Variants in STARD9 observed in about 807,000 individuals in gnomAD.
The protein encoded by STARD9 is stAR-related lipid transfer protein 9.
In STARD9, 346 loss-of-function variants were observed where a neutral mutation model predicts 399.8. The ratio of observed to expected loss-of-function variants is 0.87; its 90% CI spans 0.79 to 0.95. STARD9 has a LOEUF of 0.95. Among genes scored for constraint, STARD9 ranks in the 40% least tolerant of loss-of-function variants. STARD9 has a pLI of 0.00. For synonymous variants in STARD9, 2,203 were observed against 2,143.5 expected (o/e 1.03, Z -0.77); for missense variants, 5,832 against 5,667.5 (o/e 1.03, Z -0.93).
Position 42,650,850 on chromosome 15 carries a change from A to G in STARD9, c.560-166A>G, listed in dbSNP as rs115134206. On this transcript the variant is annotated intron_variant, in intron 7 of 32. Transcript: ENST00000290607. Reference sequence around the variant, plus strand: ...TCATATACCTGACAAGAGGTTTCCAATAAATATTTCTTGATTTAATTTATT... The same window carrying G: ...TCATATACCTGACAAGAGGTTTCCAGTAAATATTTCTTGATTTAATTTATT... Among the ~76,000 whole-genome samples, 971 of 152,320 alleles carry G rather than the reference A, an allele frequency of 6.4e-3. 13 individuals carry two copies. Among genetic ancestry groups the G allele is most frequent in the African/African-American group, 0.022 (917 of 41,578 alleles).
At chr15:42,669,060 G>A in intron 15 of STARD9, 98 bp from the exon 16 acceptor site, 1 of 1,065,638 alleles carries the variant, frequency 9.4e-7, no homozygotes, top group East Asian at 2.6e-5. Flanking sequence ...TCATAAGAAA[G>A]CAGTACCCTG....
chr15:42,674,937 G>A lies in STARD9; in HGVS notation c.1660G>A (p.Val554Ile). The change falls in exon 18 of 33, where the codon GTC (valine) becomes ATC (isoleucine). Residue 554 changes from valine (V) to isoleucine (I), a missense_variant. By Grantham distance (29) the Val-to-Ile change is conservative. Coordinates refer to ENST00000290607, the MANE Select transcript of STARD9 (RefSeq NM_020759.3). ...CCGCTGTACAGTCAATGGCCGGGAG[G>A]TCACTGCCTCCTGCCGTCTGACTCA... ...GARCTVNGRE[V>I]TASCRLTQGA... 6.5e-7 allele frequency: 1 copy of A among 1,536,430 alleles called. No homozygotes were observed. Among genetic ancestry groups the A allele is most frequent in the Non-Finnish European group, 8.7e-7 (1 of 1,146,566 alleles).
At position 42,685,731 on chromosome 15, in the gene STARD9, C is replaced by A. The variant is rs966001672; in HGVS notation, c.4153C>A (p.Pro1385Thr). 4 of 1,537,250 alleles carry A rather than the reference C, an allele frequency of 2.6e-6. No homozygotes were observed. Among genetic ancestry groups the A allele is most frequent in the African/African-American group, 2.7e-5 (2 of 73,038 alleles). ...GYWPNTEELKPSDAETVLPYS... is the reference protein window; with the variant it reads ...GYWPNTEELKTSDAETVLPYS... ...CTGGCCAAATACTGAGGAACTAAAG[C>A]CATCAGATGCAGAAACGGTTCTGCC... is the stretch of plus-strand genomic sequence containing the variant. The change falls in exon 23 of 33, where the codon CCA becomes ACA. Residue 1385 changes from proline (P) to threonine (T), a missense_variant. By Grantham distance (38) the Pro-to-Thr change is conservative. Around this residue, in one of 2 missense-constraint regions of STARD9, gnomAD observed 5,828 missense variants for 5,651.1 expected, o/e 1.03. Coordinates refer to ENST00000290607, the MANE Select transcript of STARD9 (RefSeq NM_020759.3).
rs1014734034 is a variant in STARD9, at chr15:42,639,569, A to G, written c.559+757A>G. Among the ~76,000 whole-genome samples, 9 of 152,302 alleles carry G rather than the reference A, an allele frequency of 5.9e-5. No homozygotes were observed. In the East Asian group the frequency reaches 1.7e-3, roughly 29 times the overall value. ...TTACCCTTCCAGGCCACTTATAAGA[A>G]GTAATATATGGCCCAGGTGCAGTGG... On this transcript the variant is annotated intron_variant, in intron 7 of 32. Coordinates refer to ENST00000290607, the MANE Select transcript of STARD9 (RefSeq NM_020759.3).
intron 17 of STARD9, 52 bp from the exon 18 acceptor site, chr15:42,674,775 G>A: frequency 6.8e-7 from 1 of 1,477,444 alleles, no homozygotes. Context: ...AAATGGAGAG[G>A]GTGTTTCCCT....
chr15:42,718,622 G>A, intron 31 of STARD9, 108 bp downstream of exon 31: 1 of 1,430,526 alleles, frequency 7.0e-7, no homozygotes, highest in East Asian at 2.5e-5. Flanking sequence ...GGCAAATTGG[G>A]GCTGGAGCCA....
chr15:42,660,109 G>A (rs920427081), intron 9 of STARD9, among the ~76,000 whole-genome samples: 17 of 152,144 alleles, frequency 1.1e-4, no homozygotes, highest in Admixed American at 6.5e-4. Context: ...CTAGATGTAC[G>A]ATTCTATTTA....
intron 26 of STARD9, among the ~76,000 whole-genome samples, chr15:42,714,607 TC>T (rs1419328599): frequency 6.6e-6 from 1 of 152,214 alleles, no homozygotes; most frequent in African/African-American, 2.4e-5. Flanking sequence ...CTTCCTTGAT[TC>T]AATTGTTGAG....
chr15:42,690,034 G>T lies in STARD9; in HGVS notation c.8456G>T (p.Cys2819Phe), dbSNP rs1297685226. 6.5e-7 allele frequency: 1 copy of T among 1,537,386 alleles called. No homozygotes were observed. Among genetic ancestry groups the T allele is most frequent in the African/African-American group, 1.4e-5 (1 of 73,042 alleles). The change falls in exon 23 of 33, where the codon TGT (cysteine) becomes TTT (phenylalanine). Residue 2819 changes from cysteine (C) to phenylalanine (F), a missense_variant. By Grantham distance (205) the Cys-to-Phe change is radical. Around this residue, in one of 2 missense-constraint regions of STARD9, gnomAD observed 5,828 missense variants for 5,651.1 expected, o/e 1.03. Transcript: ENST00000290607. Reference protein sequence around the residue: ...TAHFESQSVTCDVQNSTSASG... With the variant: ...TAHFESQSVTFDVQNSTSASG... ...CATTTTGAAAGTCAGTCTGTGACCT[G>T]TGATGTTCAGAATTCTACAAGTGCC...
At chr15:42,651,145 A>C in intron 8 of STARD9, 60 bp downstream of exon 8, 1 of 1,273,054 alleles carries the variant, frequency 7.9e-7, no homozygotes, top group African/African-American at 1.5e-5. Context: ...CTGTGTTCCC[A>C]TTTCCCTTTG....
intron 4 of STARD9, among the ~76,000 whole-genome samples, chr15:42,637,512 G>A (rs2059441902): frequency 6.6e-6 from 1 of 152,174 alleles, no homozygotes; most frequent in African/African-American, 2.4e-5. Flanking sequence ...ACCACACCTG[G>A]TCTAAATGTG....
intron 3 of STARD9, among the ~76,000 whole-genome samples, chr15:42,624,236 G>A (rs1007223960): frequency 6.6e-6 from 1 of 152,068 alleles, no homozygotes; most frequent in Admixed American, 6.5e-5. Context: ...GCTTTCCCAT[G>A]CTATATACAT....
At chr15:42,591,487 T>TAAAA (rs58884115) in intron 3 of STARD9, among the ~76,000 whole-genome samples, 4,360 of 135,976 alleles carry the variant, frequency 0.032, 232 homozygotes, top group African/African-American at 0.11. Context: ...GAGTCCATCT[T>TAAAA]AAAAAAAAAA....
In STARD9 at chr15:42,686,223, G is replaced by A. The variant is rs2140239049; in HGVS notation, c.4645G>A (p.Val1549Ile). Residue 1549 changes from valine (V) to isoleucine (I), a missense_variant, in exon 23 of 33, where the codon GTC becomes ATC. Val to Ile is a conservative substitution (Grantham distance 29). This residue lies in a region of STARD9 where 5,828 missense variants were observed against 5,651.1 expected (regional missense o/e 1.03). Transcript: ENST00000290607. ...SSNLNLNNFPVHLSRIRRLRA... is the reference protein window; with the variant it reads ...SSNLNLNNFPIHLSRIRRLRA... The stretch of plus-strand genomic sequence containing the variant: ...CAATCTGAATCTCAACAACTTTCCA[G>A]TCCATCTGTCCAGAATCAGGCGTTT... The A allele has an allele frequency of 2.6e-6, 4 of 1,537,704 alleles. No individual in the cohort carries two copies. The highest frequency in any genetic ancestry group is 1.2e-5 in the South Asian group (1 of 84,068).
intron 3 of STARD9, among the ~76,000 whole-genome samples, chr15:42,621,512 A>G (rs1179471517): frequency 2.6e-5 from 4 of 152,242 alleles, no homozygotes; most frequent in Non-Finnish European, 5.9e-5. Context: ...AGGCTGCCAC[A>G]TGGTTGGATA....
chr15:42,617,733 G>A (rs1188397332), intron 3 of STARD9, among the ~76,000 whole-genome samples: 1 of 151,668 alleles, frequency 6.6e-6, no homozygotes, highest in Non-Finnish European at 1.5e-5. Context: ...TCATTCCTTC[G>A]TTTTTGTTTA....
rs145230898 is a variant in STARD9, at chr15:42,685,175, T to C, written c.3597T>C (p.His1199=). The change falls in exon 23 of 33, where the codon CAT becomes CAC. Residue 1199 remains histidine (H), a synonymous_variant. Coordinates refer to ENST00000290607, the MANE Select transcript of STARD9 (RefSeq NM_020759.3). The part of the protein sequence containing the change: ...ASDSDLLAQT[H]RSFSLDSLID... ...ACAGTGACCTACTTGCTCAAACTCATAGGAGCTTCTCCTTGGATAGCCTGA... is the reference window on the plus strand; with the variant it reads ...ACAGTGACCTACTTGCTCAAACTCACAGGAGCTTCTCCTTGGATAGCCTGA... 7.8e-6 allele frequency: 12 copies of C among 1,537,132 alleles called. 1 individual carries two copies. The highest frequency in any genetic ancestry group is 4.8e-5 in the South Asian group (4 of 84,060).
At chr15:42,607,771 G>A (rs1478335642) in intron 3 of STARD9, among the ~76,000 whole-genome samples, 1 of 151,324 alleles carries the variant, frequency 6.6e-6, no homozygotes, top group African/African-American at 2.4e-5. Flanking sequence ...TTATTTTCTA[G>A]CAAGTATTTA....
rs1390032529 is a variant in STARD9 at position 42,682,249 on chromosome 15, A to G, written c.2211A>G (p.Pro737=). Residue 737 remains proline (P), a synonymous_variant, in exon 22 of 33, where the codon CCA becomes CCG. Coordinates refer to ENST00000290607, the MANE Select transcript of STARD9 (RefSeq NM_020759.3). ...CAGATCCTGAGATTCAGCCATCCCC[A>G]TTTGTCCAAAGTCAGAAAAGGGTGG... The part of the protein sequence containing the change: ...LQTDPEIQPS[P]FVQSQKRVVH... The G allele has an allele frequency of 4.6e-6, 7 of 1,537,204 alleles. No homozygotes were observed. The South Asian group carries it at 8.3e-5, about 18-fold the overall frequency.
Sources: allele counts gnomAD v4.1 joint callset (sites outside exome capture counted in the v4.1 genomes callset), GRCh38; gene constraint gnomAD v4.1.1; regional missense constraint gnomAD v4.1.1; transcripts MANE v1.5; gene names NCBI Gene and HGNC (gene_info 2026-07-23, HGNC 2026-07-21).